Variants in UGGT1 observed in about 807,000 individuals in gnomAD.
UGGT1 encodes the protein UDP-glucose:glycoprotein glucosyltransferase 1.
In UGGT1, 107 loss-of-function variants were observed where a neutral mutation model predicts 203.9. The ratio of observed to expected loss-of-function variants is 0.52; its 90% CI spans 0.45 to 0.62. UGGT1 has a LOEUF of 0.62. UGGT1 is among the 20% of genes least tolerant of loss of function. The pLI, the probability that UGGT1 is intolerant of heterozygous loss-of-function variation, is 0.00. For missense variants in UGGT1, 1,673 were observed against 1,867.2 expected, an observed-to-expected ratio of 0.90 and a Z score of 1.92; for synonymous variants, 628 against 653.5, an observed-to-expected ratio of 0.96 and a Z score of 0.59.
chr2:128,093,730 A>G (rs957899267), intron 1 of UGGT1, among the ~76,000 whole-genome samples: 1 of 152,184 alleles, frequency 6.6e-6, no homozygotes, highest in Non-Finnish European at 1.5e-5. Context: ...TAGAACTTTA[A>G]AAGCAGGAAG....
In UGGT1 at chr2:128,172,775, C is replaced by T; in HGVS notation, c.3294+13C>T. On this transcript the variant is annotated intron_variant, in intron 29 of 40. Coordinates refer to ENST00000259253, the MANE Select transcript of UGGT1 (RefSeq NM_020120.4). ...TTATTTAGAAGAGGTAAGACCATAT[C>T]TATTGCTTCCAAATACCTAATCATG... The T allele has an allele frequency of 6.2e-7, 1 of 1,606,470 alleles. No homozygotes were observed. Among genetic ancestry groups the T allele is most frequent in the South Asian group, 1.1e-5 (1 of 90,718 alleles).
At chr2:128,133,867 T>TAGAGAG (rs139896072) in intron 14 of UGGT1, among the ~76,000 whole-genome samples, 22 of 149,892 alleles carry the variant, frequency 1.5e-4, no homozygotes, top group Non-Finnish European at 2.4e-4. Context: ...TGCACTGCTT[T>TAGAGAG]AGAGAGAGAG....
rs1490932041 is a variant in UGGT1 at position 128,172,558 on chromosome 2, C to G, written c.3105-15C>G. The G allele has an allele frequency of 1.9e-6, 3 of 1,613,320 alleles. No individual in the cohort carries two copies. The highest frequency in any genetic ancestry group is 2.5e-6 in the Non-Finnish European group (3 of 1,179,690). ...CACATCGAAAATTATCTAACACTTT[C>G]CTTTTCAATTTCAGCTTTTACCGTT... is the stretch of plus-strand genomic sequence containing the variant. On this transcript the variant is annotated splice_polypyrimidine_tract_variant and intron_variant, in intron 28 of 40. Transcript: ENST00000259253.
At chr2:128,110,363 A>C (rs941760756) in intron 5 of UGGT1, among the ~76,000 whole-genome samples, 4 of 152,098 alleles carry the variant, frequency 2.6e-5, no homozygotes, top group African/African-American at 9.7e-5. Context: ...CAGTACTGCT[A>C]ATGGCAGTTA....
At chr2:128,142,459 C>A (rs1689482465) in intron 16 of UGGT1, among the ~76,000 whole-genome samples, 1 of 149,322 alleles carries the variant, frequency 6.7e-6, no homozygotes, top group African/African-American at 2.5e-5. Flanking sequence ...GAGGCGTGTG[C>A]CTGTAGTCCC....
chr2:128,155,380 C>G, intron 19 of UGGT1, 109 bp from the exon 20 acceptor site: 2 of 788,928 alleles, frequency 2.5e-6, no homozygotes, highest in South Asian at 1.8e-5. Flanking sequence ...ATATACTTCA[C>G]TCACGCATTT....
At chr2:128,092,187 C>CTTCAATATGTTTAAA (rs1230834238) in intron 1 of UGGT1, among the ~76,000 whole-genome samples, 4 of 150,980 alleles carry the variant, frequency 2.6e-5, no homozygotes, top group African/African-American at 7.3e-5. Context: ...TTTTAAATAG[C>CTTCAATATGTTTAAA]TATTTAACAG....
chr2:128,120,512 T>TA, intron 9 of UGGT1, 56 bp downstream of exon 9: 1 of 1,394,572 alleles, frequency 7.2e-7, no homozygotes, highest in Non-Finnish European at 1.0e-6. Context: ...TTTATGGCTT[T>TA]AAAAAATGCA....
chr2:128,135,109 C>T, intron 15 of UGGT1, 148 bp downstream of exon 15: 1 of 664,296 alleles, frequency 1.5e-6, no homozygotes, highest in Non-Finnish European at 2.6e-6. Context: ...AGTATGAAGC[C>T]AGTGTCTTTT....
chr2:128,091,338 G>A lies in UGGT1; in HGVS notation c.-20G>A, dbSNP rs1341879814. 1.9e-6 allele frequency: 3 copies of A among 1,552,154 alleles called. No individual in the cohort carries two copies. The highest frequency in any genetic ancestry group is 1.4e-5 in the African/African-American group (1 of 73,268). ...CTGGCGTTGTCTCTGGCACTGTGGC[G>A]GACTGACCACGGCCCGGGCATGGGC... is the stretch of plus-strand genomic sequence containing the variant. On this transcript the variant is annotated 5_prime_UTR_variant, in exon 1 of 41. Transcript: ENST00000259253.
At chr2:128,146,964 G>A (rs1689720943) in intron 18 of UGGT1, among the ~76,000 whole-genome samples, 1 of 152,132 alleles carries the variant, frequency 6.6e-6, no homozygotes, top group Non-Finnish European at 1.5e-5. Context: ...CATTGCATTA[G>A]CACAGACTCT....
intron 14 of UGGT1, among the ~76,000 whole-genome samples, chr2:128,133,478 G>C (rs1688982286): frequency 6.6e-6 from 1 of 152,174 alleles, no homozygotes; most frequent in Non-Finnish European, 1.5e-5. Context: ...CCCCCTCAGA[G>C]TGTGGGGAAA....
At chr2:128,187,846 G>A (rs1692063536) in intron 40 of UGGT1, among the ~76,000 whole-genome samples, 1 of 151,092 alleles carries the variant, frequency 6.6e-6, no homozygotes, top group Non-Finnish European at 1.5e-5. Context: ...CTGGTGAGGG[G>A]GAGAAAGGGT....
Position 128,164,750 on chromosome 2 carries a change from A to C in UGGT1, c.2846A>C (p.Lys949Thr). 1.2e-6 allele frequency: 2 copies of C among 1,613,918 alleles called. No homozygotes were observed. The highest frequency in any genetic ancestry group is 2.2e-5 in the South Asian group (2 of 91,058). Residue 949 changes from lysine (K) to threonine (T), a missense_variant, in exon 26 of 41, where the codon AAG becomes ACG. Around this residue, in one of 4 missense-constraint regions of UGGT1, gnomAD observed 1,073 missense variants for 1,078.7 expected, o/e 0.99. Transcript: ENST00000259253. ...EEDVASDLVM[K>T]VDALLSAQPK... ...TTCAGGGCAAGCGACTTGGTAATGA[A>C]GGTGGATGCTCTTCTGTCAGCGCAA...
chr2:128,104,032 G>T lies in UGGT1; in HGVS notation c.277+18G>T. The T allele has an allele frequency of 6.6e-7, 1 of 1,523,744 alleles. No individual in the cohort carries two copies. Among genetic ancestry groups the T allele is most frequent in the Non-Finnish European group, 8.8e-7 (1 of 1,140,184 alleles). 94.4% of individuals were successfully genotyped at this position (1,523,744 alleles called of 1,614,324 possible). A position where few individuals can be genotyped will look rare whatever the true frequency, so the allele number is the denominator to read the frequency against. On this transcript the variant is annotated intron_variant, in intron 3 of 40. Transcript: ENST00000259253. ...TCATGACGGTAAAATTGAAGCAAAT[G>T]CTTCTTTGACTTTGGTGTCTGGGAA...
In UGGT1 at chr2:128,120,848, T is replaced by TC. The variant is rs775045738; in HGVS notation, c.974-347dup. On this transcript the variant is annotated intron_variant, in intron 9 of 40. Coordinates refer to ENST00000259253, the MANE Select transcript of UGGT1 (RefSeq NM_020120.4). ...CAAAGAACTATTTTTCAAGTTTTTT[T>TC]CCCCAACGTCATTTACTAAAAGTCT... Among the ~76,000 whole-genome samples the TC allele has an allele frequency of 1.8e-4, 27 of 152,336 alleles. No individual in the cohort carries two copies. In the Middle Eastern group the frequency reaches 0.01, roughly 58 times the overall value.
chr2:128,186,790 C>T lies in UGGT1; in HGVS notation c.4467C>T (p.Thr1489=). 1.2e-6 allele frequency: 2 copies of T among 1,612,102 alleles called. No individual in the cohort carries two copies. Among genetic ancestry groups the T allele is most frequent in the Non-Finnish European group, 1.7e-6 (2 of 1,178,924 alleles). The part of the protein sequence containing the change: ...CDDASKKRAK[T]IDLCNNPMTK... ...ACGCCTCTAAGAAAAGGGCAAAAAC[C>T]ATTGATTTGGTAAGCCGTATGTGGT... Residue 1489 remains threonine, a synonymous_variant, in exon 39 of 41, where the codon ACC becomes ACT. Transcript: ENST00000259253.
Position 128,103,998 on chromosome 2 carries a change from A to G in UGGT1, c.261A>G (p.Gly87=). 1 of 1,588,218 alleles carries G rather than the reference A, an allele frequency of 6.3e-7. No homozygotes were observed. The highest frequency in any genetic ancestry group is 8.5e-7 in the Non-Finnish European group (1 of 1,172,456). Residue 87 remains glycine, a synonymous_variant, in exon 3 of 41, where the codon GGA becomes GGG. Coordinates refer to ENST00000259253, the MANE Select transcript of UGGT1 (RefSeq NM_020120.4). The part of the protein sequence containing the change: ...WNFVEASQNI[G]SSDHDGTDYS... ...TTGTAGAAGCCAGTCAAAATATTGG[A>G]TCATCAGATCATGACGGTAAAATTG... is the stretch of plus-strand genomic sequence containing the variant.
Position 128,122,829 on chromosome 2 carries a change from A to G in UGGT1, c.1074-357A>G, listed in dbSNP as rs375948757. On this transcript the variant is annotated intron_variant, in intron 10 of 40. Transcript: ENST00000259253. ...ATACATGAATGATTCCACCTCCACC[A>G]TAAGTGCTTAAGTGGGAAGAGCAAT... 5.8e-4 allele frequency among the ~76,000 whole-genome samples: 89 copies of G among 152,264 alleles called. 4 individuals are homozygous for G. In the South Asian group the frequency reaches 0.018, roughly 31 times the overall value.
Sources: allele counts gnomAD v4.1 joint callset (sites outside exome capture counted in the v4.1 genomes callset), GRCh38; gene constraint gnomAD v4.1.1; regional missense constraint gnomAD v4.1.1; transcripts MANE v1.5; gene names NCBI Gene and HGNC (gene_info 2026-07-23, HGNC 2026-07-21).